Variants in UAP1L1 observed in about 807,000 individuals in gnomAD.
UAP1L1 encodes the protein UDP-N-acetylglucosamine pyrophosphorylase 1 like 1, also known as UDP-N-acetylhexosamine pyrophosphorylase-like protein 1.
UAP1L1 carries 45 observed loss-of-function variants against 45.3 expected under a neutral mutation model. That is an observed-to-expected ratio of 0.99 (90% CI 0.78 to 1.27). UAP1L1 has a LOEUF of 1.27. UAP1L1 is among the 50% of genes most tolerant of loss of function. UAP1L1 has a pLI of 0.00. For synonymous variants in UAP1L1, 323 were observed against 303.9 expected (o/e 1.06, Z -0.65); for missense variants, 667 against 694.0 (o/e 0.96, Z 0.44).
rs1425706308 is a variant in UAP1L1 at position 137,077,910 on chromosome 9, TCTC to T, written c.289+93_289+95del. On this transcript the variant is annotated intron_variant, in intron 1 of 8. Transcript: ENST00000409858. This position sits in a 1 kb window ranked among gnomAD's most constrained non-coding sequence, Gnocchi z 4.7. ...GAGGCCGCGCTCGGGGAACTGTAGT[TCTC>T]CTCGCTACTTTGAGACGTGTCTCGC... 2.7e-6 allele frequency: 4 copies of T among 1,490,964 alleles called. No homozygotes were observed. Among genetic ancestry groups the T allele is most frequent in the Non-Finnish European group, 3.6e-6 (4 of 1,125,424 alleles). 92.4% of individuals were successfully genotyped at this position (1,490,964 alleles called of 1,614,324 possible). A position where few individuals can be genotyped will look rare whatever the true frequency, so the allele number is the denominator to read the frequency against.
chr9:137,077,595 C>A lies in UAP1L1; in HGVS notation c.63C>A (p.Arg21=). The A allele has an allele frequency of 7.3e-7, 1 of 1,367,424 alleles. No homozygotes were observed. Among genetic ancestry groups the A allele is most frequent in the Admixed American group, 2.8e-5 (1 of 36,186 alleles). 84.7% of individuals were successfully genotyped at this position (1,367,424 alleles called of 1,614,324 possible). Residue 21 remains arginine, a synonymous_variant, in exon 1 of 9, where the codon CGC becomes CGA. Transcript: ENST00000409858. This position sits in a 1 kb window ranked among gnomAD's most constrained non-coding sequence, Gnocchi z 4.7. The part of the protein sequence containing the change: ...LQRAGQEHLL[R]FWAELAPEPR... Reference sequence around the variant, plus strand: ...GCGCTGGCCAGGAGCACCTCCTGCGCTTCTGGGCCGAGCTGGCGCCGGAGC... The same window carrying A: ...GCGCTGGCCAGGAGCACCTCCTGCGATTCTGGGCCGAGCTGGCGCCGGAGC...
chr9:137,080,871 C>T lies in UAP1L1; in HGVS notation c.1361C>T (p.Pro454Leu), dbSNP rs773522526. ...CATGGGGCCTGGCTCCCAGAGCTGC[C>T]CAGGTGAGTGTGGCCCTGGGGTAGC... Reference protein sequence around the residue: ...DAHGAWLPELPSLPPNGDPPA... With the variant: ...DAHGAWLPELLSLPPNGDPPA... Residue 454 changes from proline (P) to leucine (L), a missense_variant, in exon 7 of 9, where the codon CCC (proline) becomes CTC (leucine). By Grantham distance (98) the Pro-to-Leu change is moderately conservative. Coordinates refer to ENST00000409858, the MANE Select transcript of UAP1L1 (RefSeq NM_207309.3). 1 of 1,588,168 alleles carries T rather than the reference C, an allele frequency of 6.3e-7. No individual in the cohort carries two copies. Among genetic ancestry groups the T allele is most frequent in the East Asian group, 2.2e-5 (1 of 44,574 alleles).
chr9:137,081,821 C>T (rs1832791314), intron 7 of UAP1L1, among the ~76,000 whole-genome samples, 177 bp from the exon 8 acceptor site: 1 of 152,152 alleles, frequency 6.6e-6, no homozygotes, highest in African/African-American at 2.4e-5. Flanking sequence ...GGTCCTGTCA[C>T]TTGGCAGTGG....
rs1832816154 is a variant in UAP1L1, at chr9:137,082,983, C to T, written c.*254C>T. On this transcript the variant is annotated 3_prime_UTR_variant, in exon 9 of 9. Transcript: ENST00000409858. This position sits in a 1 kb window ranked among gnomAD's most constrained non-coding sequence, Gnocchi z 5.7. The stretch of plus-strand genomic sequence containing the variant: ...ACAAGTGGCGACAGCCTGCTGGGGG[C>T]TCTGTGGCTCCATTCCTGGCTGTGG... The T allele has an allele frequency of 4.1e-6, 2 of 486,690 alleles. No homozygotes were observed. The highest frequency in any genetic ancestry group is 7.6e-6 in the Non-Finnish European group (2 of 264,434). 30.1% of individuals were successfully genotyped at this position (486,690 alleles called of 1,614,324 possible).
At position 137,079,999 on chromosome 9, in the gene UAP1L1, C is replaced by T. The variant is rs1272999343; in HGVS notation, c.1038-3C>T. 2.5e-6 allele frequency: 4 copies of T among 1,613,404 alleles called. No homozygotes were observed. In the East Asian group the frequency reaches 8.9e-5, roughly 36 times the overall value. ...TCCTCCCCTCTGCTCTCCCGTGCCC[C>T]AGGGAGTTTGAGCCTTTGCTGAAGC... On this transcript the variant is annotated splice_polypyrimidine_tract_variant and splice_region_variant and intron_variant, in intron 5 of 8. Transcript: ENST00000409858.
At chr9:137,081,855 G>A in intron 7 of UAP1L1, 143 bp from the exon 8 acceptor site, 2 of 817,264 alleles carry the variant, frequency 2.4e-6, no homozygotes, top group Admixed American at 1.8e-5. Flanking sequence ...GGTTTGGGGT[G>A]TCCAGAGGAA....
At chr9:137,081,469 G>A (rs762087821) in intron 7 of UAP1L1, among the ~76,000 whole-genome samples, 45 of 151,390 alleles carry the variant, frequency 3.0e-4, no homozygotes, top group Non-Finnish European at 5.6e-4. Context: ...CCTCGGCCTC[G>A]CAAAGTGCTG....
rs1184045506 is a variant in UAP1L1 at position 137,082,949 on chromosome 9, C to G, written c.*220C>G. The G allele has an allele frequency of 1.3e-5, 7 of 539,440 alleles. No homozygotes were observed. In the African/African-American group the frequency reaches 1.3e-4, roughly 10 times the overall value. 33.4% of individuals were successfully genotyped at this position (539,440 alleles called of 1,614,324 possible). A position where few individuals can be genotyped will look rare whatever the true frequency, so the allele number is the denominator to read the frequency against. ...CACGAGGGCAGGGCCTCTCCTGTCG[C>G]CTCTGGACACAAGTGGCGACAGCCT... On this transcript the variant is annotated 3_prime_UTR_variant, in exon 9 of 9. Transcript: ENST00000409858. The surrounding 1 kb of genome is among the most constrained non-coding windows in gnomAD (Gnocchi z 5.7).
chr9:137,081,608 A>G (rs760542198), intron 7 of UAP1L1, among the ~76,000 whole-genome samples: 13 of 152,092 alleles, frequency 8.5e-5, no homozygotes, highest in Non-Finnish European at 1.8e-4. Context: ...CCATCACCCA[A>G]CCAACGTTGT....
In UAP1L1 at chr9:137,082,254, C is replaced by A. The variant is rs1723444842; in HGVS notation, c.1431+190C>A. 4.6e-6 allele frequency: 3 copies of A among 645,306 alleles called. No individual in the cohort carries two copies. In the Admixed American group the frequency reaches 7.3e-5, roughly 16 times the overall value. 40.0% of individuals were successfully genotyped at this position (645,306 alleles called of 1,614,324 possible). On this transcript the variant is annotated intron_variant, in intron 8 of 8. Coordinates refer to ENST00000409858, the MANE Select transcript of UAP1L1 (RefSeq NM_207309.3). This position sits in a 1 kb window ranked among gnomAD's most constrained non-coding sequence, Gnocchi z 5.7. ...GGGGTGAGGCATCCAGAGGCCTTTG[C>A]AGGTCCTGGGAGGGCATGGGGATGA...
At position 137,077,807 on chromosome 9, in the gene UAP1L1, G is replaced by A. The variant is rs553795551; in HGVS notation, c.275G>A (p.Arg92His). The A allele has an allele frequency of 3.2e-5, 44 of 1,395,140 alleles. No individual in the cohort carries two copies. The highest frequency in any genetic ancestry group is 3.7e-5 in the Non-Finnish European group (40 of 1,079,298). The allele number at this position is 1,395,140 out of a possible 1,614,324, so 86.4% of individuals were successfully genotyped here. ...ASRSDPETRRRWEEEGFRQIS... is the reference protein window; with the variant it reads ...ASRSDPETRRHWEEEGFRQIS... ...CGCAGCGACCCCGAGACACGGCGGC[G>A]CTGGGAGGAGGAAGGTAAGCGGGGT... Residue 92 changes from arginine to histidine, a missense_variant, in exon 1 of 9, where the codon CGC becomes CAC. Coordinates refer to ENST00000409858, the MANE Select transcript of UAP1L1 (RefSeq NM_207309.3). The surrounding 1 kb of genome is among the most constrained non-coding windows in gnomAD (Gnocchi z 4.7).
At chr9:137,078,339 C>A in intron 2 of UAP1L1, 85 bp downstream of exon 2, 1 of 1,535,890 alleles carries the variant, frequency 6.5e-7, no homozygotes. Flanking sequence ...AGCCCCAACC[C>A]CGGCACAGAC....
At chr9:137,080,463 A>G in intron 6 of UAP1L1, 3 of 603,390 alleles carry the variant, frequency 5.0e-6, no homozygotes, top group Non-Finnish European at 2.9e-6. Flanking sequence ...CCCTCACTGC[A>G]GGGGTCCCAG....
Position 137,082,653 on chromosome 9 carries a change from T to G in UAP1L1, c.1448T>G (p.Leu483Arg). The G allele has an allele frequency of 6.4e-7, 1 of 1,552,126 alleles. No individual in the cohort carries two copies. The highest frequency in any genetic ancestry group is 8.7e-7 in the Non-Finnish European group (1 of 1,147,308). The change falls in exon 9 of 9, where the codon CTG becomes CGG. Residue 483 changes from leucine (L) to arginine (R), a missense_variant. Physicochemically the swap from Leu to Arg is moderately radical, Grantham distance 102. Transcript: ENST00000409858. The surrounding 1 kb of genome is among the most constrained non-coding windows in gnomAD (Gnocchi z 5.7). ...SYSGEGLEVYLQGREFQSPLI... is the reference protein window; with the variant it reads ...SYSGEGLEVYRQGREFQSPLI... ...CGTCTCCAGGGTTTAGAAGTGTACC[T>G]GCAAGGCCGGGAGTTCCAGTCCCCG...
intron 3 of UAP1L1, 49 bp downstream of exon 3, chr9:137,078,726 G>A (rs932917642): frequency 6.4e-7 from 1 of 1,566,070 alleles, no homozygotes; most frequent in African/African-American, 1.4e-5. Context: ...CTAGAACTGG[G>A]AGCGTAGTTG....
rs568585617 is a variant in UAP1L1, at chr9:137,083,278, A to G, written c.*549A>G. The G allele has an allele frequency of 1.3e-5, 2 of 153,546 alleles. No homozygotes were observed. Among genetic ancestry groups the G allele is most frequent in the South Asian group, 2.0e-4 (1 of 4,920 alleles). The allele number at this position is 153,546 out of a possible 1,614,324, so 9.5% of individuals were successfully genotyped here. A position where few individuals can be genotyped will look rare whatever the true frequency, so the allele number is the denominator to read the frequency against. ...AGGGCTGCCCCCTCTTCCTTAGCAGACGAACCAGTAATGGGGGCAAGGCTG... is the reference window on the plus strand; with the variant it reads ...AGGGCTGCCCCCTCTTCCTTAGCAGGCGAACCAGTAATGGGGGCAAGGCTG... On this transcript the variant is annotated 3_prime_UTR_variant, in exon 9 of 9. Coordinates refer to ENST00000409858, the MANE Select transcript of UAP1L1 (RefSeq NM_207309.3).
rs1180492415 is a variant in UAP1L1 at position 137,077,865 on chromosome 9, C to T, written c.289+44C>T. 1.5e-4 allele frequency: 213 copies of T among 1,436,250 alleles called. No individual in the cohort carries two copies. In the East Asian group the frequency reaches 4.5e-3, roughly 30 times the overall value. The allele number at this position is 1,436,250 out of a possible 1,614,324, so 89.0% of individuals were successfully genotyped here. A position where few individuals can be genotyped will look rare whatever the true frequency, so the allele number is the denominator to read the frequency against. On this transcript the variant is annotated intron_variant, in intron 1 of 8. Transcript: ENST00000409858. The surrounding 1 kb of genome is among the most constrained non-coding windows in gnomAD (Gnocchi z 4.7). Reference sequence around the variant, plus strand: ...CCTGGGGGCCGGCAGGGGGTCGTGCCCACGGAGCGGGTGGGAACCGAGGCC... The same window carrying T: ...CCTGGGGGCCGGCAGGGGGTCGTGCTCACGGAGCGGGTGGGAACCGAGGCC...
rs148400453 is a variant in UAP1L1, at chr9:137,081,941, G to C, written c.1365-57G>C. ...GTCTCCTATCGGGACTGGGGGTGCT[G>C]GGGGAGGGCTCTGGGCAGGTGCTGC... On this transcript the variant is annotated intron_variant, in intron 7 of 8. Coordinates refer to ENST00000409858, the MANE Select transcript of UAP1L1 (RefSeq NM_207309.3). 2,722 of 1,564,408 alleles carry C rather than the reference G, an allele frequency of 1.7e-3. 23 individuals are homozygous for C. The highest frequency in any genetic ancestry group is 8.0e-3 in the East Asian group (359 of 44,620).
chr9:137,079,186 T>C (rs374098604), intron 4 of UAP1L1, 38 bp downstream of exon 4: 2 of 1,593,002 alleles, frequency 1.3e-6, no homozygotes, highest in Admixed American at 1.8e-5. Flanking sequence ...CACCCGAGGC[T>C]GGCCCCGCCC....
Sources: gnomAD v4.1 joint callset for allele counts (sites outside exome capture counted in the v4.1 genomes callset) on GRCh38, gnomAD v4.1.1 for gene constraint, Gnocchi (gnomAD v3.1) non-coding constraint, MANE v1.5 for transcripts, NCBI Gene and HGNC (gene_info 2026-07-23, HGNC 2026-07-21) for gene names.